AGBL4: variants seen among roughly 807,000 people sequenced by gnomAD.
AGBL4 encodes the protein cytosolic carboxypeptidase 6.
A neutral mutation model predicts 66.4 loss-of-function variants in AGBL4; 58 were observed. That is an observed-to-expected ratio of 0.87 (90% CI 0.71 to 1.09). The LOEUF (loss-of-function observed/expected upper bound fraction) is 1.09. AGBL4 is among the 50% of genes least tolerant of loss of function. AGBL4 has a pLI of 0.00. For missense variants in AGBL4, 579 were observed against 631.0 expected (o/e 0.92, Z 0.88); for synonymous variants, 234 against 222.9 (o/e 1.05, Z -0.44).
intron 9 of AGBL4, among the ~76,000 whole-genome samples, chr1:48,609,323 A>G (rs320017): frequency 0.25 from 37,956 of 152,092 alleles, 4,953 homozygotes; most frequent in South Asian, 0.34. Flanking sequence ...AGCCTTCATG[A>G]TCTGGCCCTA....
intron 3 of AGBL4, among the ~76,000 whole-genome samples, chr1:49,248,633 T>C (rs977130748): frequency 6.7e-6 from 1 of 148,826 alleles, no homozygotes; most frequent in Non-Finnish European, 1.5e-5. Context: ...GTAATTATTC[T>C]TTTTTTTTTG....
intron 5 of AGBL4, among the ~76,000 whole-genome samples, chr1:48,988,260 G>A (rs1201881093): frequency 1.3e-5 from 2 of 152,120 alleles, no homozygotes; most frequent in Non-Finnish European, 2.9e-5. Flanking sequence ...CTTCTCCACT[G>A]TAATGTAACA....
intron 2 of AGBL4, among the ~76,000 whole-genome samples, chr1:49,832,575 G>T (rs920314359): frequency 6.6e-6 from 1 of 151,726 alleles, no homozygotes; most frequent in South Asian, 2.1e-4. Flanking sequence ...TCGCCACACC[G>T]ACTTCCACAA....
intron 5 of AGBL4, among the ~76,000 whole-genome samples, chr1:48,947,179 C>A (rs1253294380): frequency 6.6e-6 from 1 of 152,216 alleles, no homozygotes; most frequent in Non-Finnish European, 1.5e-5. Context: ...AAAGCCTTTC[C>A]TGATGCTCCA....
At chr1:49,821,251 A>G (rs752350122) in intron 2 of AGBL4, among the ~76,000 whole-genome samples, 3 of 152,194 alleles carry the variant, frequency 2.0e-5, no homozygotes, top group Non-Finnish European at 4.4e-5. Flanking sequence ...AAATCATTCA[A>G]TATTCAAAAT....
intron 3 of AGBL4, among the ~76,000 whole-genome samples, chr1:49,548,898 G>C (rs372136570): frequency 8.6e-5 from 13 of 152,028 alleles, no homozygotes; most frequent in African/African-American, 3.1e-4. Context: ...CTGTAAATCC[G>C]TCTGGTCTGG....
intron 4 of AGBL4, among the ~76,000 whole-genome samples, chr1:49,171,590 TAC>T (rs1453154199): frequency 6.6e-6 from 1 of 152,200 alleles, no homozygotes; most frequent in Non-Finnish European, 1.5e-5. Flanking sequence ...GTGAAGGAAC[TAC>T]AATATGATAG....
intron 3 of AGBL4, among the ~76,000 whole-genome samples, chr1:49,410,260 C>T (rs1273016707): frequency 6.6e-6 from 1 of 152,170 alleles, no homozygotes; most frequent in African/African-American, 2.4e-5. Context: ...GACTAGAAAC[C>T]CGTATGCAGA....
chr1:49,463,485 C>G (rs1297266755), intron 3 of AGBL4, among the ~76,000 whole-genome samples: 1 of 151,638 alleles, frequency 6.6e-6, no homozygotes, highest in South Asian at 2.1e-4. Flanking sequence ...AGCTTACTGC[C>G]CATAAAGCTT....
chr1:48,534,220 C>A lies in AGBL4; in HGVS notation c.1465G>T (p.Asp489Tyr), dbSNP rs201412334. 2 of 1,551,654 alleles carry A rather than the reference C, an allele frequency of 1.3e-6. No individual in the cohort carries two copies. Among genetic ancestry groups the A allele is most frequent in the East Asian group, 4.9e-5 (2 of 40,914 alleles). ...PASNYPNSKG[D>Y]KKSSVNHKDP... ...TTGTGGTTCACTGAGCTCTTCTTGTCCCCTTTGCTGTTGGGGTAGTTGCTG... is the reference window on the plus strand; with the variant it reads ...TTGTGGTTCACTGAGCTCTTCTTGTACCCTTTGCTGTTGGGGTAGTTGCTG... Residue 489 changes from aspartate (D) to tyrosine (Y), a missense_variant, in exon 14 of 14, where the codon GAC becomes TAC. Asp to Tyr is a radical substitution (Grantham distance 160). Coordinates refer to ENST00000371839, the MANE Select transcript of AGBL4 (RefSeq NM_032785.4).
At chr1:49,563,741 G>A (rs1644116347) in intron 3 of AGBL4, among the ~76,000 whole-genome samples, 1 of 151,792 alleles carries the variant, frequency 6.6e-6, no homozygotes, top group African/African-American at 2.4e-5. Flanking sequence ...TTGCATCAAT[G>A]TTCATTAAGG....
rs943034896 is a variant in AGBL4 at position 49,979,721 on chromosome 1, T to C, written c.34+44042A>G. On this transcript the variant is annotated intron_variant, in intron 1 of 13. Coordinates refer to ENST00000371839, the MANE Select transcript of AGBL4 (RefSeq NM_032785.4). ...CAGTTCATCTCTCCAGTAAAGCATA[T>C]TGCATTAAAAAATAGTCTTTCTTCG... Among the ~76,000 whole-genome samples, 5 of 152,314 alleles carry C rather than the reference T, an allele frequency of 3.3e-5. No individual in the cohort carries two copies. The South Asian group carries it at 6.2e-4, about 19-fold the overall frequency.
chr1:48,837,709 C>CTATATATATAT (rs1310220715), intron 6 of AGBL4, among the ~76,000 whole-genome samples: 3 of 75,088 alleles, frequency 4.0e-5, no homozygotes, highest in East Asian at 3.2e-3. Flanking sequence ...CACACACACA[C>CTATATATATAT]ACTATATATA....
intron 11 of AGBL4, among the ~76,000 whole-genome samples, chr1:48,580,644 C>A (rs1644725743): frequency 6.6e-6 from 1 of 152,114 alleles, no homozygotes; most frequent in Non-Finnish European, 1.5e-5. Context: ...ATGGGGCCTG[C>A]CAGAGCTTTT....
intron 1 of AGBL4, among the ~76,000 whole-genome samples, chr1:49,945,373 A>G (rs1557604823): frequency 1.3e-5 from 2 of 152,180 alleles, no homozygotes; most frequent in Admixed American, 1.3e-4. Flanking sequence ...ATTTCTCAGC[A>G]GAAACCCTAT....
chr1:49,652,986 G>A (rs1439025280), intron 3 of AGBL4, among the ~76,000 whole-genome samples: 4 of 152,084 alleles, frequency 2.6e-5, no homozygotes, highest in Non-Finnish European at 5.9e-5. Flanking sequence ...TATTTAAGTG[G>A]GTCCCTGATC....
chr1:49,380,197 T>TA (rs1644569016), intron 3 of AGBL4, among the ~76,000 whole-genome samples: 2 of 152,146 alleles, frequency 1.3e-5, no homozygotes, highest in Non-Finnish European at 2.9e-5. Flanking sequence ...AGCATTCTTA[T>TA]ACACCAATAA....
intron 2 of AGBL4, among the ~76,000 whole-genome samples, chr1:49,818,636 C>T (rs558891034): frequency 6.3e-4 from 95 of 151,796 alleles, no homozygotes; most frequent in African/African-American, 1.7e-3. Flanking sequence ...CAGAGTGCTG[C>T]GATAATCACA....
rs371993275 is a variant in AGBL4 at position 49,800,936 on chromosome 1, G to A, written c.157+50460C>T. On this transcript the variant is annotated intron_variant, in intron 2 of 13. Transcript: ENST00000371839. Reference sequence around the variant, plus strand: ...TCCAGTTCTAGAACCCTGAGGAATCGCCACACTGACTTCCACAATGGTTGA... The same window carrying A: ...TCCAGTTCTAGAACCCTGAGGAATCACCACACTGACTTCCACAATGGTTGA... Among the ~76,000 whole-genome samples the A allele has an allele frequency of 1.5e-3, 222 of 143,722 alleles. 1 individual carries two copies. The highest frequency in any genetic ancestry group is 4.7e-3 in the African/African-American group (180 of 38,510). 94.3% of individuals were successfully genotyped at this position (143,722 alleles called of 152,430 possible). A position where few individuals can be genotyped will look rare whatever the true frequency, so the allele number is the denominator to read the frequency against.
Sources: gnomAD v4.1 joint callset for allele counts (sites outside exome capture counted in the v4.1 genomes callset) on GRCh38, gnomAD v4.1.1 for gene constraint, MANE v1.5 for transcripts, NCBI Gene and HGNC (gene_info 2026-07-23, HGNC 2026-07-21) for gene names.